The following RBPMS variants were observed in gnomAD, a reference collection of about 807,000 sequenced individuals.
The protein encoded by RBPMS is RNA binding protein, mRNA processing factor.
Under a neutral mutation model 26.8 loss-of-function variants are expected in RBPMS, and 7 were observed. The ratio of observed to expected loss-of-function variants is 0.26; its 90% CI spans 0.15 to 0.49. The LOEUF (loss-of-function observed/expected upper bound fraction) is 0.49. RBPMS is among the 20% of genes least tolerant of loss of function. The probability of loss-of-function intolerance (pLI) is 0.98; values close to 1 mark genes in which losing one functional copy is unlikely to be tolerated. For synonymous variants in RBPMS, 96 were observed against 93.3 expected (o/e 1.03, Z -0.17); for missense variants, 186 against 250.0 (o/e 0.74, Z 1.73).
At chr8:30,547,340 C>G in intron 6 of RBPMS, 1 of 1,613,798 alleles carries the variant, frequency 6.2e-7, no homozygotes, top group African/African-American at 1.3e-5. Flanking sequence ...TTGTCCACTT[C>G]TCCAGCAAAT....
intron 1 of RBPMS, among the ~76,000 whole-genome samples, chr8:30,468,311 G>A (rs761169926): frequency 2.0e-5 from 3 of 152,010 alleles, no homozygotes; most frequent in Non-Finnish European, 2.9e-5. Flanking sequence ...GGTCTATATG[G>A]TCCTGAATTT....
intron 1 of RBPMS, among the ~76,000 whole-genome samples, chr8:30,451,889 T>A (rs555491101): frequency 2.0e-5 from 3 of 152,280 alleles, no homozygotes; most frequent in Admixed American, 6.5e-5. Context: ...CCCGAAACCA[T>A]CATATAATGA....
At chr8:30,437,180 C>G (rs1812555534) in intron 1 of RBPMS, among the ~76,000 whole-genome samples, 1 of 151,748 alleles carries the variant, frequency 6.6e-6, no homozygotes, top group African/African-American at 2.4e-5. Context: ...CTCGGCCTCC[C>G]AAAGTGCTGG....
At chr8:30,567,913 G>A (rs763492079) in intron 8 of RBPMS, among the ~76,000 whole-genome samples, 2 of 152,140 alleles carry the variant, frequency 1.3e-5, no homozygotes, top group African/African-American at 4.8e-5. Flanking sequence ...TTACAGCAGC[G>A]AGTTTGGAGG....
intron 4 of RBPMS, among the ~76,000 whole-genome samples, chr8:30,493,047 C>A (rs1027542633): frequency 2.6e-4 from 40 of 152,168 alleles, no homozygotes; most frequent in Non-Finnish European, 5.9e-5. Context: ...TTTGTTGAGG[C>A]AAACCCACTG....
intron 1 of RBPMS, among the ~76,000 whole-genome samples, chr8:30,428,914 G>A (rs1025106777): frequency 1.3e-5 from 2 of 152,020 alleles, no homozygotes; most frequent in African/African-American, 4.8e-5. Context: ...GTGTAGTGGC[G>A]TCGCCATTTG....
chr8:30,553,999 A>C (rs1417664361), intron 6 of RBPMS, among the ~76,000 whole-genome samples: 1 of 152,088 alleles, frequency 6.6e-6, no homozygotes, highest in Non-Finnish European at 1.5e-5. Context: ...GATGGTCTCT[A>C]TCTCTTGACC....
intron 1 of RBPMS, among the ~76,000 whole-genome samples, chr8:30,386,589 A>G (rs566730296): frequency 7.9e-5 from 12 of 152,160 alleles, no homozygotes; most frequent in Non-Finnish European, 1.8e-4. Flanking sequence ...TTTCAAAGCG[A>G]TGGAGAGTTG....
intron 1 of RBPMS, among the ~76,000 whole-genome samples, chr8:30,455,126 A>G (rs1355816619): frequency 6.6e-6 from 1 of 152,192 alleles, no homozygotes; most frequent in African/African-American, 2.4e-5. Context: ...CCCGGCCTCA[A>G]ATTCTTGTAT....
chr8:30,564,388 C>T (rs1177035511), intron 7 of RBPMS: 1 of 152,252 alleles, frequency 6.6e-6, no homozygotes, highest in African/African-American at 2.4e-5. Context: ...TGAGGAGACG[C>T]AAGCCTGGTT....
chr8:30,510,764 A>C (rs971683719), intron 5 of RBPMS, among the ~76,000 whole-genome samples: 2 of 152,092 alleles, frequency 1.3e-5, no homozygotes, highest in Non-Finnish European at 2.9e-5. Flanking sequence ...TTTTTTGTAG[A>C]GATGGGGTTT....
At chr8:30,512,114 A>G (rs1423936143) in intron 5 of RBPMS, among the ~76,000 whole-genome samples, 2 of 152,158 alleles carry the variant, frequency 1.3e-5, no homozygotes, top group African/African-American at 4.8e-5. Context: ...TATGTCACCC[A>G]TGCTGGCCTA....
chr8:30,510,780 C>T (rs866554911), intron 5 of RBPMS, among the ~76,000 whole-genome samples: 14 of 152,102 alleles, frequency 9.2e-5, no homozygotes, highest in Admixed American at 3.3e-4. Context: ...GGTTTCGCCA[C>T]ATTGGCCAGG....
At chr8:30,484,960 T>C (rs1818637436) in intron 4 of RBPMS, among the ~76,000 whole-genome samples, 1 of 152,228 alleles carries the variant, frequency 6.6e-6, no homozygotes, top group East Asian at 1.9e-4. Context: ...AAGTTTCTCA[T>C]TTGTGAGATG....
chr8:30,533,651 T>TA lies in RBPMS; in HGVS notation c.398-10842dup, dbSNP rs150455899. Among the ~76,000 whole-genome samples, 917 of 152,350 alleles carry TA rather than the reference T, an allele frequency of 6.0e-3. 7 individuals carry two copies. Among genetic ancestry groups the TA allele is most frequent in the African/African-American group, 0.021 (861 of 41,576 alleles). On this transcript the variant is annotated intron_variant, in intron 5 of 8. Coordinates refer to ENST00000397323, the MANE Select transcript of RBPMS (RefSeq NM_001008710.3). Reference sequence around the variant, plus strand: ...CAGAAATGTTTAGCAGCCTTCTTCATATCCATTGCCATTGTGGTGCCTGAT... The same window carrying TA: ...CAGAAATGTTTAGCAGCCTTCTTCATAATCCATTGCCATTGTGGTGCCTGAT...
chr8:30,514,781 C>G (rs1822132558), intron 5 of RBPMS, among the ~76,000 whole-genome samples: 1 of 148,794 alleles, frequency 6.7e-6, no homozygotes, highest in South Asian at 2.1e-4. Flanking sequence ...CCACCTTGGC[C>G]TCCCATAGTG....
chr8:30,443,358 A>G (rs1486600002), intron 1 of RBPMS, among the ~76,000 whole-genome samples: 2 of 152,226 alleles, frequency 1.3e-5, no homozygotes, highest in Non-Finnish European at 2.9e-5. Context: ...TGTAAAAACA[A>G]AAGGTTGCGT....
intron 1 of RBPMS, among the ~76,000 whole-genome samples, chr8:30,449,676 C>T (rs1011881226): frequency 9.9e-5 from 15 of 152,202 alleles, no homozygotes; most frequent in Admixed American, 1.3e-4. Context: ...CGGCCCACAC[C>T]TCCTTTTTAA....
chr8:30,408,869 C>T (rs568761120), intron 1 of RBPMS, among the ~76,000 whole-genome samples: 1 of 152,310 alleles, frequency 6.6e-6, no homozygotes, highest in East Asian at 1.9e-4. Context: ...TCCTCCTCTC[C>T]CTAACCCAAA....
Sources: gnomAD v4.1 joint callset for allele counts (sites outside exome capture counted in the v4.1 genomes callset) on GRCh38, gnomAD v4.1.1 for gene constraint, MANE v1.5 for transcripts, NCBI Gene and HGNC (gene_info 2026-07-23, HGNC 2026-07-21) for gene names.